ZNF722: variants seen among roughly 807,000 people sequenced by gnomAD.
ZNF722 encodes zinc finger protein 479 pseudogene.
the ZNF722 span, among the ~76,000 whole-genome samples, chr7:64,000,666 G>T: frequency 7.9e-5 from 12 of 151,234 alleles, no homozygotes; most frequent in Non-Finnish European, 1.5e-4. Context: ...GGCCAGGCTG[G>T]TCTCAAACTC....
chr7:63,999,189 T>C, the ZNF722 span, among the ~76,000 whole-genome samples: 1 of 152,180 alleles, frequency 6.6e-6, no homozygotes, highest in Non-Finnish European at 1.5e-5. Flanking sequence ...GCTGGGACCC[T>C]GGGAGTTCTG....
the ZNF722 span, chr7:63,998,855 T>C: frequency 7.7e-7 from 1 of 1,299,878 alleles, no homozygotes; most frequent in Non-Finnish European, 1.1e-6. Flanking sequence ...GGTCCTTTTG[T>C]GCTTCTCTGC....
chr7:64,015,158 T>C, the ZNF722 span: 91 of 1,398,178 alleles, frequency 6.5e-5, no homozygotes, highest in East Asian at 2.0e-3. Context: ...GCTGTAAAAG[T>C]GTGGGTGAGT....
At chr7:64,005,579 A>G in the ZNF722 span, 3 of 877,426 alleles carry the variant, frequency 3.4e-6, no homozygotes, top group South Asian at 1.4e-5. Flanking sequence ...TGTGTTCATG[A>G]GTGTTTTTTG....
the ZNF722 span, chr7:64,015,939 T>A: frequency 1.5e-6 from 2 of 1,348,988 alleles, no homozygotes; most frequent in Admixed American, 3.9e-5. Context: ...ATTCTAGCCC[T>A]CAGGCCTTAT....
the ZNF722 span, chr7:64,005,794 G>A: frequency 7.2e-7 from 1 of 1,380,346 alleles, no homozygotes; most frequent in Non-Finnish European, 9.9e-7. Flanking sequence ...TCTTTTCTAA[G>A]ATGATTTTGG....
chr7:64,003,627 C>T, the ZNF722 span, among the ~76,000 whole-genome samples: 1 of 151,958 alleles, frequency 6.6e-6, no homozygotes, highest in Admixed American at 6.6e-5. Context: ...TTTGTTTCAA[C>T]TATTTTTTGT....
At chr7:64,016,871 G>C in the ZNF722 span, among the ~76,000 whole-genome samples, 1 of 152,130 alleles carries the variant, frequency 6.6e-6, no homozygotes, top group Non-Finnish European at 1.5e-5. Context: ...ATGTGGCAAG[G>C]CCTTTAAATG....
the ZNF722 span, among the ~76,000 whole-genome samples, chr7:64,004,425 A>AAAAAAAAAAAATATAT: frequency 3.3e-5 from 2 of 61,120 alleles, no homozygotes; most frequent in African/African-American, 8.0e-5. Flanking sequence ...AAAAAAAAAA[A>AAAAAAAAAAAATATAT]ATATATATAT....
the ZNF722 span, chr7:63,999,022 G>GT: frequency 2.3e-5 from 37 of 1,574,898 alleles, no homozygotes; most frequent in Middle Eastern, 3.4e-4. Flanking sequence ...GTCTGTCATC[G>GT]TGAGAGGGGC....
chr7:64,000,837 G>A, the ZNF722 span, among the ~76,000 whole-genome samples: 1 of 152,056 alleles, frequency 6.6e-6, no homozygotes, highest in Non-Finnish European at 1.5e-5. Context: ...GAGTGCATTG[G>A]TGTGATCTCA....
At chr7:64,014,838 A>C in the ZNF722 span, among the ~76,000 whole-genome samples, 1 of 152,128 alleles carries the variant, frequency 6.6e-6, no homozygotes, top group African/African-American at 2.4e-5. Flanking sequence ...TTATTCTATA[A>C]ATTTCCAACA....
At chr7:64,015,882 A>G in the ZNF722 span, 1 of 1,567,656 alleles carries the variant, frequency 6.4e-7, no homozygotes, top group Admixed American at 1.7e-5. Context: ...TAAACATAAG[A>G]TAATTCATAC....
At chr7:64,004,427 T>A in the ZNF722 span, among the ~76,000 whole-genome samples, 8,752 of 41,762 alleles carry the variant, frequency 0.21, 393 homozygotes, top group Non-Finnish European at 0.25. Context: ...AAAAAAAAAA[T>A]ATATATATAT....
chr7:64,003,658 C>T, the ZNF722 span, among the ~76,000 whole-genome samples: 1 of 151,936 alleles, frequency 6.6e-6, no homozygotes, highest in South Asian at 2.1e-4. Flanking sequence ...ATAGTCAAGG[C>T]GTTCTGAAAA....
the ZNF722 span, among the ~76,000 whole-genome samples, chr7:63,999,498 G>A: frequency 6.6e-6 from 1 of 152,188 alleles, no homozygotes; most frequent in Non-Finnish European, 1.5e-5. Flanking sequence ...ATCCATGGGA[G>A]AGACTTGAAG....
the ZNF722 span, chr7:64,015,742 C>T: frequency 6.2e-7 from 1 of 1,612,512 alleles, no homozygotes; most frequent in Non-Finnish European, 8.5e-7. Flanking sequence ...AAACCCTACA[C>T]ATGTGAAGAA....
the ZNF722 span, among the ~76,000 whole-genome samples, chr7:64,007,281 G>A: frequency 6.0e-3 from 849 of 141,928 alleles, 42 homozygotes; most frequent in East Asian, 0.1. Context: ...TAGGGTGCTT[G>A]TGCACAACGT....
At chr7:64,010,411 T>C in the ZNF722 span, among the ~76,000 whole-genome samples, 4 of 152,226 alleles carry the variant, frequency 2.6e-5, no homozygotes, top group Non-Finnish European at 5.9e-5. Flanking sequence ...CACACTGCTT[T>C]AAATGTGTCC....
Sources: gnomAD v4.1 joint callset for allele counts (sites outside exome capture counted in the v4.1 genomes callset) on GRCh38, gnomAD v4.1.1 for gene constraint, MANE v1.5 for transcripts, NCBI Gene and HGNC (gene_info 2026-07-23, HGNC 2026-07-21) for gene names.